The following PLCE1 variants were observed in gnomAD, a reference collection of about 807,000 sequenced individuals.
PLCE1 encodes 1-phosphatidylinositol 4,5-bisphosphate phosphodiesterase epsilon-1.
A neutral mutation model predicts 242.8 loss-of-function variants in PLCE1; 119 were observed. That is an observed-to-expected ratio of 0.49 (90% confidence interval 0.42 to 0.57). The LOEUF (loss-of-function observed/expected upper bound fraction) is 0.57. Among genes scored for constraint, PLCE1 ranks in the 20% least tolerant of loss-of-function variants. PLCE1 has a pLI of 0.00. For synonymous variants in PLCE1, 945 were observed against 1,017.4 expected (o/e 0.93, Z 1.35); for missense variants, 2,441 against 2,788.8 (o/e 0.88, Z 2.81).
Position 94,228,189 on chromosome 10 carries a change from GTTGCCTGCTTTATCCCC to G in PLCE1, c.1955+741_1955+757del, listed in dbSNP as rs377650866. Among the ~76,000 whole-genome samples the G allele has an allele frequency of 4.8e-3, 730 of 152,068 alleles. 5 individuals are homozygous for G. Among genetic ancestry groups the G allele is most frequent in the African/African-American group, 0.016 (644 of 41,464 alleles). ...ACAAAATCACCATTCTGTTCATCAG[GTTGCCTGCTTTATCCCC>G]TTTTAGCCTCAGCTACCTGGCATAA... On this transcript the variant is annotated intron_variant, in intron 5 of 32. Coordinates refer to ENST00000371380, the MANE Select transcript of PLCE1 (RefSeq NM_016341.4).
chr10:94,120,118 C>T (rs1292064146), intron 2 of PLCE1, among the ~76,000 whole-genome samples: 2 of 152,114 alleles, frequency 1.3e-5, no homozygotes, highest in African/African-American at 2.4e-5. Context: ...TATTCTCTAC[C>T]CTTACTCAAC....
intron 23 of PLCE1, among the ~76,000 whole-genome samples, chr10:94,295,617 C>T (rs746282078): frequency 6.6e-6 from 1 of 152,140 alleles, no homozygotes; most frequent in Non-Finnish European, 1.5e-5. Context: ...CTCTTAAGGG[C>T]GTCTAGAATG....
At chr10:94,213,444 C>T (rs975710294) in intron 4 of PLCE1, among the ~76,000 whole-genome samples, 1 of 152,160 alleles carries the variant, frequency 6.6e-6, no homozygotes, top group African/African-American at 2.4e-5. Flanking sequence ...CCTTTTTGAA[C>T]CTGTCTATGA....
At chr10:94,200,030 T>C (rs1428224052) in intron 4 of PLCE1, among the ~76,000 whole-genome samples, 1 of 152,222 alleles carries the variant, frequency 6.6e-6, no homozygotes, top group Non-Finnish European at 1.5e-5. Flanking sequence ...AAGCCAAACG[T>C]TACCTCCTTA....
intron 19 of PLCE1, among the ~76,000 whole-genome samples, chr10:94,275,327 A>G (rs1382195396): frequency 6.6e-6 from 1 of 152,178 alleles, no homozygotes; most frequent in African/African-American, 2.4e-5. Context: ...TGTTCCTGAC[A>G]GGATATGGTT....
chr10:94,279,675 G>A, intron 19 of PLCE1, 107 bp from the exon 20 acceptor site: 2 of 1,292,260 alleles, frequency 1.5e-6, no homozygotes, highest in Non-Finnish European at 2.2e-6. Flanking sequence ...ATCAAAATAG[G>A]TTAAGCCACT....
intron 24 of PLCE1, among the ~76,000 whole-genome samples, chr10:94,300,723 C>T (rs999436197): frequency 6.6e-6 from 1 of 152,184 alleles, no homozygotes; most frequent in Admixed American, 6.5e-5. Context: ...GATTTTTGGT[C>T]AAGATCTTTT....
intron 4 of PLCE1, among the ~76,000 whole-genome samples, chr10:94,179,231 C>T (rs184326590): frequency 1.3e-5 from 2 of 152,238 alleles, no homozygotes; most frequent in South Asian, 2.1e-4. Context: ...CTGTGCAGGG[C>T]GGCATCCTAA....
At chr10:94,212,704 A>G (rs939469478) in intron 4 of PLCE1, among the ~76,000 whole-genome samples, 1 of 152,204 alleles carries the variant, frequency 6.6e-6, no homozygotes, top group Non-Finnish European at 1.5e-5. Flanking sequence ...CACTTTCTTC[A>G]CAAAATATTT....
intron 22 of PLCE1, among the ~76,000 whole-genome samples, chr10:94,286,365 G>A (rs2052447247): frequency 6.6e-6 from 1 of 152,122 alleles, no homozygotes; most frequent in Admixed American, 6.5e-5. Context: ...GTGTAGTGGT[G>A]CGTGCCTGTA....
At chr10:94,327,765 T>TTTA (rs1011859272) in intron 32 of PLCE1, among the ~76,000 whole-genome samples, 4 of 152,190 alleles carry the variant, frequency 2.6e-5, no homozygotes, top group Admixed American at 6.5e-5. Context: ...ATGTGAAATA[T>TTTA]TTATTTCCAA....
At chr10:94,203,004 T>C (rs1435699978) in intron 4 of PLCE1, among the ~76,000 whole-genome samples, 4 of 152,250 alleles carry the variant, frequency 2.6e-5, no homozygotes, top group African/African-American at 9.6e-5. Context: ...TGATAATAGC[T>C]ACAATTAGTT....
At chr10:94,157,795 C>T (rs1014142484) in intron 3 of PLCE1, among the ~76,000 whole-genome samples, 1 of 152,204 alleles carries the variant, frequency 6.6e-6, no homozygotes, top group African/African-American at 2.4e-5. Flanking sequence ...TACATTGAGA[C>T]TAAAAGGAAG....
At chr10:94,081,018 T>A (rs1206939614) in intron 2 of PLCE1, among the ~76,000 whole-genome samples, 1 of 152,178 alleles carries the variant, frequency 6.6e-6, no homozygotes, top group Admixed American at 6.5e-5. Context: ...TGAAAGTAAA[T>A]AGGAAACTTG....
intron 11 of PLCE1, among the ~76,000 whole-genome samples, chr10:94,256,838 C>A (rs1225609610): frequency 2.0e-5 from 3 of 152,160 alleles, no homozygotes; most frequent in Admixed American, 6.5e-5. Context: ...GAGGAAAAAT[C>A]AGCTTGAATG....
At chr10:94,286,343 T>C (rs1262326995) in intron 22 of PLCE1, among the ~76,000 whole-genome samples, 1 of 152,062 alleles carries the variant, frequency 6.6e-6, no homozygotes, top group East Asian at 1.9e-4. Context: ...ATTTAAAAAT[T>C]AGGCAAACTG....
At chr10:94,249,485 G>C (rs373029436) in intron 8 of PLCE1, among the ~76,000 whole-genome samples, 10 of 152,026 alleles carry the variant, frequency 6.6e-5, no homozygotes, top group African/African-American at 2.4e-4. Flanking sequence ...ACAATGTTTG[G>C]GTTTTTCCAA....
intron 4 of PLCE1, among the ~76,000 whole-genome samples, chr10:94,206,062 G>A (rs113449552): frequency 7.9e-5 from 12 of 152,156 alleles, no homozygotes; most frequent in Admixed American, 2.6e-4. Flanking sequence ...TATGATAAGC[G>A]CCAGGGAGAA....
intron 1 of PLCE1, among the ~76,000 whole-genome samples, chr10:94,023,128 T>C (rs1044174988): frequency 1.3e-5 from 2 of 151,990 alleles, no homozygotes; most frequent in Non-Finnish European, 2.9e-5. Flanking sequence ...CAGGTGGGTG[T>C]CAGGGAGGGC....
Sources: allele counts gnomAD v4.1 joint callset (sites outside exome capture counted in the v4.1 genomes callset), GRCh38; gene constraint gnomAD v4.1.1; transcripts MANE v1.5; gene names NCBI Gene and HGNC (gene_info 2026-07-23, HGNC 2026-07-21).